Variants in CPLANE1 observed in about 807,000 individuals in gnomAD.
The protein encoded by CPLANE1 is ciliogenesis and planar polarity effector complex subunit 1.
In CPLANE1, 263 loss-of-function variants were observed where a neutral mutation model predicts 362.5. That is an observed-to-expected ratio of 0.73 (90% confidence interval 0.66 to 0.80). The LOEUF is 0.80. CPLANE1 is among the 30% of genes least tolerant of loss of function. The pLI, the probability that CPLANE1 is intolerant of heterozygous loss-of-function variation, is 0.00. For missense variants in CPLANE1, 3,461 were observed against 3,793.4 expected (o/e 0.91, Z 2.30); for synonymous variants, 1,212 against 1,302.6 (o/e 0.93, Z 1.50).
At chr5:37,223,244 T>C (rs537690792) in intron 14 of CPLANE1, among the ~76,000 whole-genome samples, 7 of 152,304 alleles carry the variant, frequency 4.6e-5, no homozygotes, top group South Asian at 2.1e-4. Context: ...ATGACCTTAA[T>C]TGGCCAATCT....
intron 50 of CPLANE1, among the ~76,000 whole-genome samples, chr5:37,119,001 C>T (rs553878926): frequency 3.9e-4 from 60 of 152,220 alleles, no homozygotes; most frequent in Non-Finnish European, 6.0e-4. Flanking sequence ...CGTGAGCCAC[C>T]GCGCCGGGCC....
intron 16 of CPLANE1, chr5:37,210,551 C>G: frequency 6.7e-7 from 1 of 1,497,266 alleles, no homozygotes; most frequent in Middle Eastern, 1.7e-4. Context: ...AGGAGGAACT[C>G]AATCAATCTA....
intron 46 of CPLANE1, among the ~76,000 whole-genome samples, chr5:37,131,567 G>A (rs13169211): frequency 0.18 from 27,256 of 150,832 alleles, 2,902 homozygotes; most frequent in East Asian, 0.37. Flanking sequence ...TTTCGCTCTA[G>A]TCGCCCAGGC....
At chr5:37,135,513 G>A (rs1256880641) in intron 46 of CPLANE1, among the ~76,000 whole-genome samples, 1 of 152,090 alleles carries the variant, frequency 6.6e-6, no homozygotes, top group East Asian at 1.9e-4. Flanking sequence ...AAGAATGAGT[G>A]CCCAGCAAAA....
intron 16 of CPLANE1, chr5:37,210,568 G>C: frequency 1.3e-6 from 2 of 1,534,502 alleles, no homozygotes; most frequent in Non-Finnish European, 1.8e-6. Context: ...TCTATAAATC[G>C]CATGAAAGAA....
chr5:37,196,401 C>T (rs1787450786), intron 20 of CPLANE1, among the ~76,000 whole-genome samples: 1 of 152,090 alleles, frequency 6.6e-6, no homozygotes, highest in African/African-American at 2.4e-5. Flanking sequence ...AAAAACTAAT[C>T]TATAAATGGC....
intron 42 of CPLANE1, among the ~76,000 whole-genome samples, chr5:37,152,632 C>T (rs10068501): frequency 0.17 from 25,736 of 151,940 alleles, 2,777 homozygotes; most frequent in African/African-American, 0.31. Flanking sequence ...CTCACATCTA[C>T]AATCCCAACA....
intron 44 of CPLANE1, chr5:37,141,347 CAGAGA>C (rs1769654267): frequency 9.1e-6 from 9 of 985,196 alleles, no homozygotes; most frequent in African/African-American, 5.2e-5. Flanking sequence ...CAATCCTCCC[CAGAGA>C]AGAGAAGAGA....
At chr5:37,211,235 C>T (rs1198019521) in intron 16 of CPLANE1, 1 of 1,486,760 alleles carries the variant, frequency 6.7e-7, no homozygotes, top group Non-Finnish European at 9.4e-7. Flanking sequence ...CTGATTCTGA[C>T]CTTGAGTTTG....
In CPLANE1 at chr5:37,187,440, T is replaced by G; in HGVS notation, c.4054A>C (p.Ile1352Leu). Residue 1352 changes from isoleucine (I) to leucine (L), a missense_variant, in exon 23 of 53, where the codon ATT becomes CTT. Physicochemically the swap from Ile to Leu is conservative, Grantham distance 5 (BLOSUM62 2). Transcript: ENST00000651892. ...ELIQDIILSL[I>L]GELPPIRKVA... ...TTTCTGATTGGTGGCAGTTCTCCAA[T>G]AAGGCTCAAAATTATATCCTGAATA... The G allele has an allele frequency of 2.5e-6, 4 of 1,612,780 alleles. No individual in the cohort carries two copies. Among genetic ancestry groups the G allele is most frequent in the Non-Finnish European group, 3.4e-6 (4 of 1,179,606 alleles).
intron 8 of CPLANE1, among the ~76,000 whole-genome samples, chr5:37,233,662 A>G (rs1343001808): frequency 1.3e-5 from 2 of 151,914 alleles, no homozygotes; most frequent in African/African-American, 2.4e-5. Flanking sequence ...CACCACTACT[A>G]CTGCCATCGC....
At chr5:37,242,885 G>A (rs1482104756) in intron 6 of CPLANE1, 128 bp downstream of exon 6, 3 of 603,938 alleles carry the variant, frequency 5.0e-6, no homozygotes, top group Non-Finnish European at 8.6e-6. Flanking sequence ...CAAACCTGTA[G>A]TCACAGGTAC....
intron 2 of CPLANE1, 62 bp from the exon 3 acceptor site, chr5:37,245,907 A>C: frequency 7.2e-7 from 1 of 1,384,982 alleles, no homozygotes; most frequent in Non-Finnish European, 9.5e-7. Flanking sequence ...CTTACTGCCT[A>C]AATAAATTAT....
intron 15 of CPLANE1, among the ~76,000 whole-genome samples, chr5:37,214,056 C>G (rs1793352461): frequency 6.6e-6 from 1 of 151,174 alleles, no homozygotes; most frequent in South Asian, 2.1e-4. Flanking sequence ...TACCACATAA[C>G]CTAGAAATAT....
At chr5:37,116,175 C>T (rs1166999335) in intron 50 of CPLANE1, among the ~76,000 whole-genome samples, 4 of 151,792 alleles carry the variant, frequency 2.6e-5, no homozygotes, top group Admixed American at 2.6e-4. Context: ...GTAGTCCCAG[C>T]TATTCAAGAG....
At chr5:37,194,890 C>T (rs1337218082) in intron 21 of CPLANE1, among the ~76,000 whole-genome samples, 1 of 151,632 alleles carries the variant, frequency 6.6e-6, no homozygotes, top group African/African-American at 2.4e-5. Context: ...CGGTGGCTCA[C>T]ACCTGTAATC....
At chr5:37,128,674 C>T (rs1023527913) in intron 46 of CPLANE1, among the ~76,000 whole-genome samples, 2 of 152,008 alleles carry the variant, frequency 1.3e-5, no homozygotes, top group African/African-American at 2.4e-5. Context: ...GCCTGGCCAA[C>T]ATGGCAAAAA....
At chr5:37,179,475 A>T (rs778155483) in intron 28 of CPLANE1, 32 bp from the exon 29 acceptor site, 7 of 1,460,262 alleles carry the variant, frequency 4.8e-6, no homozygotes, top group Non-Finnish European at 6.6e-6. Flanking sequence ...GAGAAAACTG[A>T]TCATTTAAAA....
Position 37,227,765 on chromosome 5 carries a change from A to T in CPLANE1, c.1174T>A (p.Ser392Thr). The T allele has an allele frequency of 6.4e-7, 1 of 1,551,390 alleles. No individual in the cohort carries two copies. Among genetic ancestry groups the T allele is most frequent in the Non-Finnish European group, 8.7e-7 (1 of 1,146,744 alleles). ...CTCTGTCTCATAGGGTCACTATCAG[A>T]AGCTGATGAATCAACAGAATTATTT... ...DSNNSVDSSA[S>T]DSDPMRQRFS... Residue 392 changes from serine (S) to threonine (T), a missense_variant, in exon 10 of 53, where the codon TCT becomes ACT. Coordinates refer to ENST00000651892, the MANE Select transcript of CPLANE1 (RefSeq NM_001384732.1).
Sources: gnomAD v4.1 joint callset for allele counts (sites outside exome capture counted in the v4.1 genomes callset) on GRCh38, gnomAD v4.1.1 for gene constraint, MANE v1.5 for transcripts, NCBI Gene and HGNC (gene_info 2026-07-23, HGNC 2026-07-21) for gene names.